DYNAP: variants seen among roughly 807,000 people sequenced by gnomAD.
DYNAP encodes dynactin associated protein.
Under a neutral mutation model 8.5 loss-of-function variants are expected in DYNAP, and 7 were observed. The observed-to-expected ratio is 0.82, with a 90% CI of 0.47 to 1.54. The LOEUF is 1.54. DYNAP is among the 40% of genes most tolerant of loss of function. The probability of loss-of-function intolerance (pLI) is 0.01; values close to 1 mark genes in which losing one functional copy is unlikely to be tolerated. For synonymous variants in DYNAP, 77 were observed against 77.9 expected (o/e 0.99, Z 0.06); for missense variants, 256 against 224.3 (o/e 1.14, Z -0.90).
the DYNAP span, among the ~76,000 whole-genome samples, chr18:54,580,762 C>G: frequency 6.6e-6 from 1 of 152,030 alleles, no homozygotes; most frequent in Non-Finnish European, 1.5e-5. Flanking sequence ...CAATGGCCAA[C>G]AATAACAATT....
rs1911235538 is a variant in DYNAP at position 54,595,097 on chromosome 18, C to A, written c.216C>A (p.Asn72Lys). Reference protein sequence around the residue: ...HSRCLQSESCNTQVKEYCRND... With the variant: ...HSRCLQSESCKTQVKEYCRND... ...GATGTCTACAGTCAGAATCCTGTAA[C>A]ACACAGGTAATGTGTAGCACGGGAG... is the stretch of plus-strand genomic sequence containing the variant. Residue 72 changes from asparagine to lysine, a missense_variant, in exon 2 of 3, where the codon AAC (asparagine) becomes AAA (lysine). By Grantham distance (94) the Asn-to-Lys change is moderately conservative (BLOSUM62 0). Transcript: ENST00000648945. The A allele has an allele frequency of 1.9e-6, 3 of 1,611,094 alleles. No individual in the cohort carries two copies. In the African/African-American group the frequency reaches 4.0e-5, roughly 22 times the overall value.
the DYNAP span, among the ~76,000 whole-genome samples, chr18:54,579,705 T>C: frequency 6.6e-6 from 1 of 152,186 alleles, no homozygotes; most frequent in African/African-American, 2.4e-5. Context: ...AGTAGGAGAT[T>C]TCCCCCTTAT....
chr18:54,580,671 A>AG, the DYNAP span, among the ~76,000 whole-genome samples: 1 of 152,186 alleles, frequency 6.6e-6, no homozygotes, highest in African/African-American at 2.4e-5. Context: ...TTCCATAGCT[A>AG]CTCGTAAGAT....
rs974174069 is a variant in DYNAP at position 54,599,478 on chromosome 18, A to C, written c.*1333A>C. ...TAACATAACATTATTGCCTACATTAAAAGCTTCTGCAAAGCAAAGGGAATG... is the reference window on the plus strand; with the variant it reads ...TAACATAACATTATTGCCTACATTACAAGCTTCTGCAAAGCAAAGGGAATG... On this transcript the variant is annotated 3_prime_UTR_variant, in exon 3 of 3. Transcript: ENST00000648945. 6.6e-6 allele frequency: 1 copy of C among 152,172 alleles called. No homozygotes were observed. The highest frequency in any genetic ancestry group is 2.4e-5 in the African/African-American group (1 of 41,464). The allele number at this position is 152,172 out of a possible 1,614,324, so 9.4% of individuals were successfully genotyped here.
At chr18:54,593,536 T>C (rs988868613) in intron 1 of DYNAP, among the ~76,000 whole-genome samples, 32 of 152,202 alleles carry the variant, frequency 2.1e-4, no homozygotes, top group Admixed American at 2.0e-3. Flanking sequence ...CTGATAGGAG[T>C]GGCCAAAGAT....
intron 1 of DYNAP, among the ~76,000 whole-genome samples, chr18:54,592,201 T>G (rs576451793): frequency 4.6e-4 from 69 of 150,814 alleles, no homozygotes; most frequent in Non-Finnish European, 9.0e-4. Context: ...CCTGGGCTGG[T>G]GTCTGGAAGT....
intron 1 of DYNAP, 114 bp downstream of exon 1, chr18:54,591,453 C>A: frequency 1.6e-6 from 2 of 1,274,548 alleles, no homozygotes; most frequent in Non-Finnish European, 2.1e-6. Flanking sequence ...ATTTTGCATT[C>A]TTCTCCAAAA....
At chr18:54,586,296 C>G (rs1910875892), upstream of DYNAP, among the ~76,000 whole-genome samples, 1 of 152,250 alleles carries the variant, frequency 6.6e-6, no homozygotes, top group South Asian at 2.1e-4. Flanking sequence ...AAGGCCCACA[C>G]AGCTGATTGC....
upstream of DYNAP, among the ~76,000 whole-genome samples, chr18:54,587,350 A>C (rs1016485678): frequency 1.3e-5 from 2 of 152,162 alleles, no homozygotes; most frequent in Non-Finnish European, 2.9e-5. Flanking sequence ...CCAGGAGTTC[A>C]TGTCCAGCCT....
intron 1 of DYNAP, among the ~76,000 whole-genome samples, chr18:54,593,938 AAACAAAACAG>A (rs559554286): frequency 9.4e-4 from 143 of 152,154 alleles, no homozygotes; most frequent in Non-Finnish European, 1.4e-3. Flanking sequence ...CATCTCAACA[AAACAAAACAG>A]AACAAAACAA....
upstream of DYNAP, among the ~76,000 whole-genome samples, chr18:54,586,662 C>T (rs1910892321): frequency 6.6e-6 from 1 of 152,102 alleles, no homozygotes; most frequent in South Asian, 2.1e-4. Flanking sequence ...ACACTAGACA[C>T]TAATAAATGG....
chr18:54,594,942 A>G lies in DYNAP; in HGVS notation c.61A>G (p.Ile21Val), dbSNP rs149297635. The G allele has an allele frequency of 3.0e-4, 482 of 1,609,698 alleles. No homozygotes were observed. The highest frequency in any genetic ancestry group is 3.3e-4 in the Non-Finnish European group (394 of 1,177,822). Residue 21 changes from isoleucine to valine, a missense_variant, in exon 2 of 3, where the codon ATC becomes GTC. Physicochemically the swap from Ile to Val is conservative, Grantham distance 29 (BLOSUM62 3). Coordinates refer to ENST00000648945, the MANE Select transcript of DYNAP (RefSeq NM_173629.3). ...NVEHSENQPP[I>V]THPNDQEAHS... is the part of the protein sequence containing the mutation. ...CACTTCCACTCTGCCTTTGTAGCCA[A>G]TCACACATCCAAATGACCAAGAGGC...
upstream of DYNAP, among the ~76,000 whole-genome samples, chr18:54,588,434 A>C (rs1377164494): frequency 6.6e-6 from 1 of 152,046 alleles, no homozygotes; most frequent in East Asian, 1.9e-4. Flanking sequence ...TGAACTCCTG[A>C]CCTCAGGTGA....
chr18:54,588,496 C>T (rs929372433), upstream of DYNAP, among the ~76,000 whole-genome samples: 8 of 152,134 alleles, frequency 5.3e-5, no homozygotes, highest in African/African-American at 1.2e-4. Flanking sequence ...TGAGCCACCG[C>T]GCCCGGCCTC....
the DYNAP span, among the ~76,000 whole-genome samples, chr18:54,579,161 A>G: frequency 6.6e-6 from 1 of 152,216 alleles, no homozygotes; most frequent in Admixed American, 6.5e-5. Context: ...GTATTACTCT[A>G]CAGTACTAAA....
In DYNAP at chr18:54,592,238, C is replaced by T. The variant is rs908783090; in HGVS notation, c.57+899C>T. ...TGCTTGGTCAGTTGCTCAGGCAGCA[C>T]TGTAATTGGATCTTCAAGATGTTCA... is the stretch of plus-strand genomic sequence containing the variant. On this transcript the variant is annotated intron_variant, in intron 1 of 2. Transcript: ENST00000648945. Among the ~76,000 whole-genome samples, 2 of 151,918 alleles carry T rather than the reference C, an allele frequency of 1.3e-5. 1 individual carries two copies. The highest frequency in any genetic ancestry group is 4.1e-4 in the South Asian group (2 of 4,826).
the DYNAP span, among the ~76,000 whole-genome samples, chr18:54,577,261 A>G: frequency 2.6e-5 from 4 of 152,146 alleles, no homozygotes; most frequent in Admixed American, 6.5e-5. Context: ...AAATGAATCA[A>G]CAGTTATTAA....
chr18:54,597,722 T>C, intron 2 of DYNAP, 91 bp from the exon 3 acceptor site: 1 of 1,330,470 alleles, frequency 7.5e-7, no homozygotes, highest in East Asian at 2.5e-5. Flanking sequence ...TCAAATGATG[T>C]TAACCCAATA....
Position 54,598,232 on chromosome 18 carries a change from A to C in DYNAP, c.*87A>C. ...TGCAACTATAATAGCTACTCCTATC[A>C]CTTCAAGTGGAATCATGGCTGCAGT... is the stretch of plus-strand genomic sequence containing the variant. On this transcript the variant is annotated 3_prime_UTR_variant, in exon 3 of 3. Transcript: ENST00000648945. The C allele has an allele frequency of 1.5e-6, 2 of 1,350,042 alleles. No homozygotes were observed. The highest frequency in any genetic ancestry group is 4.3e-5 in the Admixed American group (2 of 46,148). 83.6% of individuals were successfully genotyped at this position (1,350,042 alleles called of 1,614,324 possible).
Sources: gnomAD v4.1 joint callset for allele counts (sites outside exome capture counted in the v4.1 genomes callset) on GRCh38, gnomAD v4.1.1 for gene constraint, MANE v1.5 for transcripts, NCBI Gene and HGNC (gene_info 2026-07-23, HGNC 2026-07-21) for gene names.